Variants in RPS6KA2 observed in about 807,000 individuals in gnomAD.
RPS6KA2 encodes the protein ribosomal protein S6 kinase alpha-2.
Under a neutral mutation model 91.8 loss-of-function variants are expected in RPS6KA2, and 42 were observed. The ratio of observed to expected loss-of-function variants is 0.46; its 90% CI spans 0.36 to 0.59. RPS6KA2 has a LOEUF of 0.59. RPS6KA2 is among the 20% of genes least tolerant of loss of function. The pLI, the probability that RPS6KA2 is intolerant of heterozygous loss-of-function variation, is 0.00. For missense variants in RPS6KA2, 798 were observed against 978.5 expected (o/e 0.82, Z 2.46); for synonymous variants, 414 against 393.6 (o/e 1.05, Z -0.61).
At chr6:166,478,129 C>T (rs1205981721) in intron 10 of RPS6KA2, among the ~76,000 whole-genome samples, 2 of 152,198 alleles carry the variant, frequency 1.3e-5, no homozygotes, top group African/African-American at 2.4e-5. Flanking sequence ...GTGGTGACTG[C>T]GGCAGCTCGG....
rs572902694 is a variant in RPS6KA2, at chr6:166,599,850, C to G, written c.99+27071G>C. 1.7e-3 allele frequency among the ~76,000 whole-genome samples: 252 copies of G among 152,234 alleles called. 1 individual carries two copies. The highest frequency in any genetic ancestry group is 2.2e-3 in the Non-Finnish European group (147 of 68,008). The stretch of plus-strand genomic sequence containing the variant: ...GGCAGGTCTCCTTCCCACTCCATCT[C>G]CATCCTCCATGCGTCACTCTCAAGG... On this transcript the variant is annotated intron_variant, in intron 1 of 20. Transcript: ENST00000265678.
At chr6:166,477,778 G>T (rs542901951) in intron 10 of RPS6KA2, among the ~76,000 whole-genome samples, 1 of 152,270 alleles carries the variant, frequency 6.6e-6, no homozygotes, top group Admixed American at 6.5e-5. Flanking sequence ...AGGTGTGGTT[G>T]TGCATGCCTG....
chr6:166,581,420 G>A (rs908113665), intron 1 of RPS6KA2, among the ~76,000 whole-genome samples: 7 of 152,060 alleles, frequency 4.6e-5, no homozygotes, highest in Admixed American at 4.6e-4. Context: ...GCTTCTCAGG[G>A]AGGGAACTGA....
At chr6:166,644,571 G>A (rs562357359) in intron 2 of RPS6KA2, among the ~76,000 whole-genome samples, 6 of 152,310 alleles carry the variant, frequency 3.9e-5, no homozygotes, top group Admixed American at 6.5e-5. Flanking sequence ...CTTAAGTTGC[G>A]TGAAAGTATA....
chr6:166,504,764 C>T (rs963138653), intron 5 of RPS6KA2, 152 bp from the exon 6 acceptor site: 5 of 577,748 alleles, frequency 8.7e-6, no homozygotes, highest in South Asian at 2.1e-5. Flanking sequence ...GGTCTTCTGA[C>T]TCTTCTCATG....
chr6:166,764,398 C>T (rs965257606), intron 2 of RPS6KA2, among the ~76,000 whole-genome samples: 3 of 152,132 alleles, frequency 2.0e-5, no homozygotes, highest in African/African-American at 7.2e-5. Flanking sequence ...GTGTCGAGAA[C>T]GGCAAGCTCT....
intron 5 of RPS6KA2, among the ~76,000 whole-genome samples, chr6:166,505,720 C>G (rs1782188829): frequency 6.6e-6 from 1 of 152,258 alleles, no homozygotes; most frequent in South Asian, 2.1e-4. Flanking sequence ...TGCATCCTGA[C>G]AGTGACTGGT....
chr6:166,613,519 A>G (rs1296653047), intron 1 of RPS6KA2, among the ~76,000 whole-genome samples: 1 of 152,158 alleles, frequency 6.6e-6, no homozygotes, highest in Non-Finnish European at 1.5e-5. Context: ...CCTGTTTCTA[A>G]AAGGTAGCTC....
At chr6:166,763,803 C>G (rs1434643948) in intron 2 of RPS6KA2, among the ~76,000 whole-genome samples, 1 of 152,190 alleles carries the variant, frequency 6.6e-6, no homozygotes, top group East Asian at 1.9e-4. Flanking sequence ...ATGATAATAA[C>G]CAACTGCAAA....
intron 2 of RPS6KA2, among the ~76,000 whole-genome samples, chr6:166,833,042 T>C (rs1265623562): frequency 2.0e-5 from 3 of 152,224 alleles, no homozygotes; most frequent in African/African-American, 7.2e-5. Flanking sequence ...CAAATAATCA[T>C]AATAGCAGAC....
At chr6:166,748,666 C>T (rs1791131360) in intron 2 of RPS6KA2, among the ~76,000 whole-genome samples, 1 of 85,842 alleles carries the variant, frequency 1.2e-5, no homozygotes, top group Non-Finnish European at 2.2e-5. Context: ...CTCCTCAGGC[C>T]CCCATCTCCT....
chr6:166,444,817 T>C (rs1466599855), intron 14 of RPS6KA2, among the ~76,000 whole-genome samples: 1 of 152,222 alleles, frequency 6.6e-6, no homozygotes, highest in African/African-American at 2.4e-5. Context: ...GAGACTGCGA[T>C]AGCTAGAATT....
chr6:166,741,629 T>G (rs1353253187), intron 2 of RPS6KA2, among the ~76,000 whole-genome samples: 1 of 152,234 alleles, frequency 6.6e-6, no homozygotes, highest in Non-Finnish European at 1.5e-5. Context: ...ACTGCTTATG[T>G]GTACCCTAAG....
At chr6:166,517,699 T>A (rs1350108987) in intron 3 of RPS6KA2, among the ~76,000 whole-genome samples, 2 of 151,534 alleles carry the variant, frequency 1.3e-5, no homozygotes, top group Non-Finnish European at 2.9e-5. Context: ...ATGGTCTCGA[T>A]CTCCTGACCT....
intron 1 of RPS6KA2, among the ~76,000 whole-genome samples, chr6:166,545,001 A>C (rs1783779410): frequency 1.3e-5 from 2 of 152,232 alleles, no homozygotes; most frequent in African/African-American, 4.8e-5. Context: ...ATTTAAGATG[A>C]ATAAATCTGC....
chr6:166,646,759 C>G (rs1190853199), intron 2 of RPS6KA2, among the ~76,000 whole-genome samples: 1 of 152,216 alleles, frequency 6.6e-6, no homozygotes, highest in Non-Finnish European at 1.5e-5. Context: ...CAAGCAAACC[C>G]TTTTGTCCTC....
intron 2 of RPS6KA2, among the ~76,000 whole-genome samples, chr6:166,718,477 G>A (rs1348102007): frequency 3.9e-5 from 6 of 152,198 alleles, no homozygotes; most frequent in African/African-American, 1.4e-4. Flanking sequence ...TTCGTTTGAA[G>A]AAAAGTAATA....
chr6:166,813,891 C>A (rs891199573), intron 2 of RPS6KA2, among the ~76,000 whole-genome samples: 1 of 152,046 alleles, frequency 6.6e-6, no homozygotes, highest in Admixed American at 6.5e-5. Context: ...TTTGCTCTAC[C>A]TTTCTTCAGC....
In RPS6KA2 at chr6:166,852,481, G is replaced by C. The variant is rs1471405282; in HGVS notation, c.123+5719C>G. 6.6e-6 allele frequency among the ~76,000 whole-genome samples: 1 copy of C among 152,186 alleles called. No homozygotes were observed. Among genetic ancestry groups the C allele is most frequent in the African/African-American group, 2.4e-5 (1 of 41,444 alleles). On this transcript the variant is annotated intron_variant, in intron 2 of 21. Transcript: ENST00000503859. This position sits in a 1 kb window ranked among gnomAD's most constrained non-coding sequence, Gnocchi z 4.1. ...AATTCTGTCTGGATTGCAGAGACAT[G>C]AGAGGCAACGTGGCCGCACAGGCGG... is the stretch of plus-strand genomic sequence containing the variant.
Sources: allele counts gnomAD v4.1 joint callset (sites outside exome capture counted in the v4.1 genomes callset), GRCh38; gene constraint gnomAD v4.1.1; non-coding constraint Gnocchi (gnomAD v3.1); transcripts MANE v1.5; gene names NCBI Gene and HGNC (gene_info 2026-07-23, HGNC 2026-07-21).